The following PCDHGA3 variants were observed in gnomAD, a reference collection of about 807,000 sequenced individuals.
PCDHGA3 encodes protocadherin gamma subfamily A, 3, also known as protocadherin gamma-A3.
In PCDHGA3, 40 loss-of-function variants were observed where a neutral mutation model predicts 58.5. The observed-to-expected ratio is 0.68, with a 90% CI of 0.53 to 0.89. PCDHGA3 has a LOEUF of 0.89. Ranked by LOEUF, PCDHGA3 falls within the 40% of genes least tolerant of loss-of-function variation. The probability of loss-of-function intolerance (pLI) is 0.00; values close to 1 mark genes in which losing one functional copy is unlikely to be tolerated. For missense variants in PCDHGA3, 1,223 were observed against 1,195.9 expected, an observed-to-expected ratio of 1.02 and a Z score of -0.33; for synonymous variants, 530 against 525.7, an observed-to-expected ratio of 1.01 and a Z score of -0.11.
Position 141,487,767 on chromosome 5 carries a change from T to G in PCDHGA3, c.2425-7040T>G, listed in dbSNP as rs2099665569. The G allele has an allele frequency of 5.2e-6, 8 of 1,538,298 alleles. No homozygotes were observed. The African/African-American group carries it at 9.6e-5, about 18-fold the overall frequency. On this transcript the variant is annotated intron_variant, in intron 1 of 3. Transcript: ENST00000253812. This position sits in a 1 kb window ranked among gnomAD's most constrained non-coding sequence, Gnocchi z 5.0. ...GGTAACTATGTGGTAGACGCTGTGC[T>G]TTGTAACTGTTTCGTGAATTAACCA... is the stretch of plus-strand genomic sequence containing the variant.
intron 1 of PCDHGA3, chr5:141,375,266 G>GA: frequency 1.9e-6 from 3 of 1,613,846 alleles, no homozygotes; most frequent in Non-Finnish European, 1.7e-6. Context: ...ATTTGAATTG[G>GA]AAAAATCAGT....
Position 141,476,441 on chromosome 5 carries a change from GAGTTGGT to G in PCDHGA3, c.2425-18362_2425-18356del. 3 of 1,614,160 alleles carry G rather than the reference GAGTTGGT, an allele frequency of 1.9e-6. No homozygotes were observed. The South Asian group carries it at 3.3e-5, about 18-fold the overall frequency. ...ACTGCCCTCTTGCACTGTAACTCTG[GAGTTGGT>G]AGTGGAGAACCCGCTGGAGCTGTTC... On this transcript the variant is annotated intron_variant, in intron 1 of 3. Transcript: ENST00000253812. The surrounding 1 kb of genome is among the most constrained non-coding windows in gnomAD (Gnocchi z 7.6).
intron 1 of PCDHGA3, chr5:141,360,343 G>A (rs1761549826): frequency 6.2e-7 from 1 of 1,613,806 alleles, no homozygotes; most frequent in African/African-American, 1.3e-5. Flanking sequence ...GCGGGTTAGC[G>A]CGGAGAAGGA....
rs1255384394 is a variant in PCDHGA3, at chr5:141,343,898, C to A, written c.-136C>A. The A allele has an allele frequency of 6.3e-6, 5 of 789,218 alleles. No homozygotes were observed. The South Asian group carries it at 7.4e-5, about 12-fold the overall frequency. The allele number at this position is 789,218 out of a possible 1,614,324, so 48.9% of individuals were successfully genotyped here. On this transcript the variant is annotated 5_prime_UTR_variant, in exon 1 of 4. Coordinates refer to ENST00000253812, the MANE Select transcript of PCDHGA3 (RefSeq NM_018916.4). Reference sequence around the variant, plus strand: ...TCAGAAGATCCGGGGCGGCTGCCAACCTCACCTCTTAGTCAACCAGCTGTT... The same window carrying A: ...TCAGAAGATCCGGGGCGGCTGCCAAACTCACCTCTTAGTCAACCAGCTGTT...
In PCDHGA3 at chr5:141,486,748, T is replaced by C; in HGVS notation, c.2425-8059T>C. ...TTCATGCTACTCGATCCTTTGACTA[T>C]GAGCAAACCCAGACACTGCAGTTTG... is the stretch of plus-strand genomic sequence containing the variant. On this transcript the variant is annotated intron_variant, in intron 1 of 3. Coordinates refer to ENST00000253812, the MANE Select transcript of PCDHGA3 (RefSeq NM_018916.4). The surrounding 1 kb of genome is among the most constrained non-coding windows in gnomAD (Gnocchi z 5.0). 6.2e-7 allele frequency: 1 copy of C among 1,614,230 alleles called. No individual in the cohort carries two copies. The highest frequency in any genetic ancestry group is 8.5e-7 in the Non-Finnish European group (1 of 1,180,042).
chr5:141,506,994 G>A (rs1053891468), intron 3 of PCDHGA3: 1 of 152,126 alleles, frequency 6.6e-6, no homozygotes, highest in Non-Finnish European at 1.5e-5. Context: ...TCTCACACTC[G>A]ACAGATGAGA....
chr5:141,403,189 G>A (rs1234686339), intron 1 of PCDHGA3: 2 of 1,613,860 alleles, frequency 1.2e-6, no homozygotes, highest in South Asian at 1.1e-5. Flanking sequence ...CTCTGAACCC[G>A]CGCAGCGGCA....
Position 141,431,534 on chromosome 5 carries a change from A to G in PCDHGA3, c.2425-63273A>G, listed in dbSNP as rs1331176313. Reference sequence around the variant, plus strand: ...CGTTCCGGAGAATCTGGCCTTGGGCACGCAGCTGCTTGTAGTCAACGCTAC... The same window carrying G: ...CGTTCCGGAGAATCTGGCCTTGGGCGCGCAGCTGCTTGTAGTCAACGCTAC... On this transcript the variant is annotated intron_variant, in intron 1 of 3. Coordinates refer to ENST00000253812, the MANE Select transcript of PCDHGA3 (RefSeq NM_018916.4). This position sits in a 1 kb window ranked among gnomAD's most constrained non-coding sequence, Gnocchi z 4.8. The G allele has an allele frequency of 1.2e-6, 2 of 1,614,110 alleles. No individual in the cohort carries two copies. The highest frequency in any genetic ancestry group is 8.5e-7 in the Non-Finnish European group (1 of 1,180,042).
chr5:141,346,222 G>A lies in PCDHGA3; in HGVS notation c.2189G>A (p.Gly730Asp). 6.2e-7 allele frequency: 1 copy of A among 1,614,204 alleles called. No homozygotes were observed. Among genetic ancestry groups the A allele is most frequent in the South Asian group, 1.1e-5 (1 of 91,084 alleles). Residue 730 changes from glycine to aspartate, a missense_variant, in exon 1 of 4, where the codon GGC (glycine) becomes GAC (aspartate). This residue lies in a region of PCDHGA3 where 325 missense variants were observed against 327.5 expected (regional missense o/e 0.99). Transcript: ENST00000253812. Reference sequence around the variant, plus strand: ...TCACGCCTGCTGCAGGCTTCGGGAGGCGGCTTGGCGAGTACGCCCGGCTCG... The same window carrying A: ...TCACGCCTGCTGCAGGCTTCGGGAGACGGCTTGGCGAGTACGCCCGGCTCG... ...HKSRLLQASG[G>D]GLASTPGSHF... is the part of the protein sequence containing the mutation.
rs751177252 is a variant in PCDHGA3 at position 141,415,407 on chromosome 5, T to G, written c.2424+68950T>G. The G allele has an allele frequency of 1.9e-6, 3 of 1,614,086 alleles. No homozygotes were observed. The African/African-American group carries it at 4.0e-5, about 22-fold the overall frequency. ...TGACAGGTGTGTCCGGCTCGCACTTTGTGGGCGTGGACGGGGTTCGGGCTT... is the reference window on the plus strand; with the variant it reads ...TGACAGGTGTGTCCGGCTCGCACTTGGTGGGCGTGGACGGGGTTCGGGCTT... On this transcript the variant is annotated intron_variant, in intron 1 of 3. Transcript: ENST00000253812.
At position 141,489,072 on chromosome 5, in the gene PCDHGA3, A is replaced by AC; in HGVS notation, c.2425-5730dup. The AC allele has an allele frequency of 1.3e-5, 2 of 157,710 alleles. No homozygotes were observed. Among genetic ancestry groups the AC allele is most frequent in the Non-Finnish European group, 1.2e-5 (1 of 83,996 alleles). 9.8% of individuals were successfully genotyped at this position (157,710 alleles called of 1,614,324 possible). A position where few individuals can be genotyped will look rare whatever the true frequency, so the allele number is the denominator to read the frequency against. On this transcript the variant is annotated intron_variant, in intron 1 of 3. Transcript: ENST00000253812. This position sits in a 1 kb window ranked among gnomAD's most constrained non-coding sequence, Gnocchi z 4.5. The stretch of plus-strand genomic sequence containing the variant: ...AATTCAGCTCCCCTCCCCCCTGCCC[A>AC]CCCCCGCCACTCGGTGACTAAGAAC...
At chr5:141,461,924 A>C (rs930104571) in intron 1 of PCDHGA3, among the ~76,000 whole-genome samples, 1 of 152,100 alleles carries the variant, frequency 6.6e-6, no homozygotes, top group East Asian at 1.9e-4. Context: ...CCTGGGTTCC[A>C]GCAATTCTCC....
At position 141,432,673 on chromosome 5, in the gene PCDHGA3, C is replaced by A. The variant is rs770930842; in HGVS notation, c.2425-62134C>A. 5 of 1,613,922 alleles carry A rather than the reference C, an allele frequency of 3.1e-6. No homozygotes were observed. Among genetic ancestry groups the A allele is most frequent in the Non-Finnish European group, 4.2e-6 (5 of 1,179,960 alleles). On this transcript the variant is annotated intron_variant, in intron 1 of 3. Coordinates refer to ENST00000253812, the MANE Select transcript of PCDHGA3 (RefSeq NM_018916.4). This position sits in a 1 kb window ranked among gnomAD's most constrained non-coding sequence, Gnocchi z 6.0. ...GAGCCCTGCTGGACAGAGACGCGCTCAAGCAGAGCCTCGTAGTGGCCGTCC... is the reference window on the plus strand; with the variant it reads ...GAGCCCTGCTGGACAGAGACGCGCTAAAGCAGAGCCTCGTAGTGGCCGTCC...
At chr5:141,401,815 C>A (rs1217081146) in intron 1 of PCDHGA3, among the ~76,000 whole-genome samples, 1 of 152,184 alleles carries the variant, frequency 6.6e-6, no homozygotes, top group Non-Finnish European at 1.5e-5. Context: ...GGGTTCCTTA[C>A]AAAGTGCTGA....
chr5:141,476,507 A>G lies in PCDHGA3; in HGVS notation c.2425-18300A>G. 1 of 1,614,102 alleles carries G rather than the reference A, an allele frequency of 6.2e-7. No individual in the cohort carries two copies. The highest frequency in any genetic ancestry group is 8.5e-7 in the Non-Finnish European group (1 of 1,180,008). On this transcript the variant is annotated intron_variant, in intron 1 of 3. Transcript: ENST00000253812. This position sits in a 1 kb window ranked among gnomAD's most constrained non-coding sequence, Gnocchi z 7.6. Reference sequence around the variant, plus strand: ...AGTGGTGATCCAGGACATCAACGACAACAATCCTGCTTTCCCTACCCAGGA... The same window carrying G: ...AGTGGTGATCCAGGACATCAACGACGACAATCCTGCTTTCCCTACCCAGGA...
intron 1 of PCDHGA3, chr5:141,355,914 T>C: frequency 1.9e-6 from 3 of 1,613,820 alleles, no homozygotes; most frequent in South Asian, 1.1e-5. Flanking sequence ...CCAACGATAA[T>C]GCTCCCGTGT....
In PCDHGA3 at chr5:141,428,081, C is replaced by A. The variant is rs768842388; in HGVS notation, c.2425-66726C>A. 14 of 1,609,100 alleles carry A rather than the reference C, an allele frequency of 8.7e-6. No individual in the cohort carries two copies. In the African/African-American group the frequency reaches 1.1e-4, roughly 12 times the overall value. ...CGGTGGACGCAGATTCGGGACACAA[C>A]GCTTGGCTGTCCTACCACGTGCTGC... is the stretch of plus-strand genomic sequence containing the variant. On this transcript the variant is annotated intron_variant, in intron 1 of 3. Transcript: ENST00000253812.
intron 1 of PCDHGA3, chr5:141,388,021 T>G (rs933819691): frequency 6.9e-7 from 1 of 1,457,968 alleles, no homozygotes; most frequent in Non-Finnish European, 9.3e-7. Flanking sequence ...AAGGGCTCCG[T>G]AGTGGGGAAC....
intron 1 of PCDHGA3, chr5:141,419,602 C>T (rs757423030): frequency 6.2e-7 from 1 of 1,611,874 alleles, no homozygotes; most frequent in Admixed American, 1.7e-5. Flanking sequence ...TGCCGCGGGC[C>T]GCGCAGCCAG....
Sources: allele counts gnomAD v4.1 joint callset (sites outside exome capture counted in the v4.1 genomes callset), GRCh38; gene constraint gnomAD v4.1.1; regional missense constraint gnomAD v4.1.1; non-coding constraint Gnocchi (gnomAD v3.1); transcripts MANE v1.5; gene names NCBI Gene and HGNC (gene_info 2026-07-23, HGNC 2026-07-21).